Variants in KALRN observed in about 807,000 individuals in gnomAD.
The protein encoded by KALRN is kalirin RhoGEF kinase, also known as kalirin.
Under a neutral mutation model 353.7 loss-of-function variants are expected in KALRN, and 70 were observed. The observed-to-expected ratio is 0.20, with a 90% confidence interval of 0.16 to 0.24. The LOEUF (loss-of-function observed/expected upper bound fraction) is 0.24, where lower values mean the gene tolerates loss of function less well. Ranked by LOEUF, KALRN falls within the 10% of genes least tolerant of loss-of-function variation. KALRN has a pLI of 1.00. For synonymous variants in KALRN, 1,391 were observed against 1,434.8 expected (o/e 0.97, Z 0.69); for missense variants, 2,791 against 3,756.7 (o/e 0.74, Z 6.72).
Position 124,396,256 on chromosome 3 carries a change from G to A in KALRN, c.2171+913G>A, listed in dbSNP as rs1225329345. ...TGAGGGAATTACGTCAATTGGAGAG[G>A]GTTTTTTTCACCCATACCAGTTGTC... On this transcript the variant is annotated intron_variant, in intron 12 of 59. Coordinates refer to ENST00000682506, the MANE Select transcript of KALRN (RefSeq NM_001388419.1). 3.8e-5 allele frequency among the ~76,000 whole-genome samples: 5 copies of A among 133,206 alleles called. No individual in the cohort carries two copies. In the East Asian group the frequency reaches 9.6e-4, roughly 26 times the overall value. The allele number at this position is 133,206 out of a possible 152,430, so 87.4% of individuals were successfully genotyped here.
At chr3:124,221,848 G>C (rs1401193103) in intron 1 of KALRN, among the ~76,000 whole-genome samples, 1 of 152,188 alleles carries the variant, frequency 6.6e-6, no homozygotes, top group Non-Finnish European at 1.5e-5. Flanking sequence ...TGGACACTCG[G>C]TATTTTATTA....
At chr3:124,167,497 A>G (rs915955594) in intron 1 of KALRN, among the ~76,000 whole-genome samples, 2 of 152,204 alleles carry the variant, frequency 1.3e-5, no homozygotes, top group Non-Finnish European at 2.9e-5. Flanking sequence ...GTTGAGCTAG[A>G]TGGTTTTTAG....
intron 34 of KALRN, among the ~76,000 whole-genome samples, chr3:124,588,779 G>A (rs1295890638): frequency 6.6e-6 from 1 of 152,190 alleles, no homozygotes; most frequent in Non-Finnish European, 1.5e-5. Flanking sequence ...GTGGACAAAA[G>A]TCCCCTTTTG....
chr3:124,516,496 G>C (rs1200273741), intron 33 of KALRN, among the ~76,000 whole-genome samples: 2 of 152,162 alleles, frequency 1.3e-5, no homozygotes, highest in African/African-American at 2.4e-5. Context: ...CTATTAATAA[G>C]AACAATAAAA....
chr3:124,200,002 C>T (rs2075812195), intron 1 of KALRN, among the ~76,000 whole-genome samples: 1 of 152,180 alleles, frequency 6.6e-6, no homozygotes, highest in Admixed American at 6.5e-5. Context: ...CCAGATTCCC[C>T]ATGACCGATC....
intron 1 of KALRN, among the ~76,000 whole-genome samples, chr3:124,149,547 C>G (rs922841236): frequency 2.0e-5 from 3 of 152,106 alleles, no homozygotes; most frequent in Non-Finnish European, 4.4e-5. Flanking sequence ...TGGAGAGAAG[C>G]CAAGAGACCC....
At chr3:124,382,299 G>A (rs527780818) in intron 10 of KALRN, among the ~76,000 whole-genome samples, 1 of 152,134 alleles carries the variant, frequency 6.6e-6, no homozygotes, top group Non-Finnish European at 1.5e-5. Context: ...CATCTATATC[G>A]TATCAAGAAA....
chr3:124,628,408 CCTCCTTCA>C (rs1246900679), intron 34 of KALRN, among the ~76,000 whole-genome samples: 24 of 104,300 alleles, frequency 2.3e-4, no homozygotes, highest in Non-Finnish European at 2.9e-4. Context: ...TCCCTCCCTC[CCTCCTTCA>C]CTCCCTCCTT....
At chr3:124,109,679 C>T (rs55867424) in intron 1 of KALRN, among the ~76,000 whole-genome samples, 5,866 of 147,076 alleles carry the variant, frequency 0.04, 297 homozygotes, top group African/African-American at 0.13. Context: ...CTTTGATATA[C>T]ATATCATATA....
At chr3:124,109,994 A>ATATATATGACATATATGTCATG (rs2062747794) in intron 1 of KALRN, among the ~76,000 whole-genome samples, 19 of 20,986 alleles carry the variant, frequency 9.1e-4, no homozygotes, top group African/African-American at 1.8e-3. Context: ...TATATGTCAT[A>ATATATATGACATATATGTCATG]CTTTGATATA....
chr3:124,268,786 C>A lies in KALRN; in HGVS notation c.500C>A (p.Pro167His), dbSNP rs1360520595. The A allele has an allele frequency of 6.2e-7, 1 of 1,614,112 alleles. No individual in the cohort carries two copies. Among genetic ancestry groups the A allele is most frequent in the Non-Finnish European group, 8.5e-7 (1 of 1,179,986 alleles). The change falls in exon 5 of 60, where the codon CCC becomes CAC. Residue 167 changes from proline to histidine, a missense_variant. This residue lies in a region of KALRN where 110 missense variants were observed against 204.1 expected (regional missense o/e 0.54). Coordinates refer to ENST00000682506, the MANE Select transcript of KALRN (RefSeq NM_001388419.1). ...GAGGGCCTCACAAAGCTGGTGGACC[C>A]CTCCCAGCTGACGGAGGAGTTTGAT... Reference protein sequence around the residue: ...SVEGLTKLVDPSQLTEEFDGS... With the variant: ...SVEGLTKLVDHSQLTEEFDGS...
In KALRN at chr3:124,639,255, G is replaced by A. The variant is rs551615254; in HGVS notation, c.5664+1952G>A. On this transcript the variant is annotated intron_variant, in intron 37 of 59. Transcript: ENST00000682506. Reference sequence around the variant, plus strand: ...CCTACTCAGATCTCCTCCTCTACAAGGGCTTCTCTGACCAGCCCAGGCCAA... The same window carrying A: ...CCTACTCAGATCTCCTCCTCTACAAAGGCTTCTCTGACCAGCCCAGGCCAA... Among the ~76,000 whole-genome samples, 14 of 152,142 alleles carry A rather than the reference G, an allele frequency of 9.2e-5. No homozygotes were observed. In the East Asian group the frequency reaches 2.7e-3, roughly 29 times the overall value.
chr3:124,208,438 G>A (rs904257052), intron 1 of KALRN, among the ~76,000 whole-genome samples: 1 of 152,142 alleles, frequency 6.6e-6, no homozygotes, highest in African/African-American at 2.4e-5. Context: ...TAAAGAGCTT[G>A]TATATACTTT....
chr3:124,586,566 C>T (rs1035710502), intron 34 of KALRN, among the ~76,000 whole-genome samples: 1 of 152,182 alleles, frequency 6.6e-6, no homozygotes, highest in African/African-American at 2.4e-5. Context: ...TGGTAAGTGC[C>T]TCCTGCCTAG....
chr3:124,284,103 G>A (rs1165783575), intron 5 of KALRN, among the ~76,000 whole-genome samples: 2 of 152,244 alleles, frequency 1.3e-5, no homozygotes, highest in Non-Finnish European at 2.9e-5. Flanking sequence ...GAGACCATCA[G>A]TTGGTGAGAA....
chr3:124,449,715 C>T (rs1160169218), intron 21 of KALRN, among the ~76,000 whole-genome samples: 2 of 152,208 alleles, frequency 1.3e-5, no homozygotes, highest in African/African-American at 4.8e-5. Flanking sequence ...CTACTCTCCT[C>T]AACCCCTGGC....
chr3:124,584,558 G>GGCCGCTGCTGGCCAGGTCTCCT (rs1188138121), intron 34 of KALRN: 1 of 1,246,452 alleles, frequency 8.0e-7, no homozygotes, highest in African/African-American at 1.6e-5. Flanking sequence ...ATGAGGCTCC[G>GGCCGCTGCTGGCCAGGTCTCCT]GCCGCTGCTG....
At chr3:124,420,454 A>G (rs1445725412) in intron 14 of KALRN, among the ~76,000 whole-genome samples, 1 of 152,230 alleles carries the variant, frequency 6.6e-6, no homozygotes. Flanking sequence ...TCCAGAAAGT[A>G]AAGATAAGGG....
intron 3 of KALRN, among the ~76,000 whole-genome samples, chr3:124,262,144 T>C (rs1416831229): frequency 6.6e-6 from 1 of 152,166 alleles, no homozygotes; most frequent in Non-Finnish European, 1.5e-5. Flanking sequence ...TTGACATACC[T>C]TTCTGTAAAA....
Sources: allele counts gnomAD v4.1 joint callset (sites outside exome capture counted in the v4.1 genomes callset), GRCh38; gene constraint gnomAD v4.1.1; regional missense constraint gnomAD v4.1.1; transcripts MANE v1.5; gene names NCBI Gene and HGNC (gene_info 2026-07-23, HGNC 2026-07-21).